The following SYNPR variants were observed in gnomAD, a reference collection of about 807,000 sequenced individuals.
SYNPR encodes the protein synaptoporin.
SYNPR carries 23 observed loss-of-function variants against 32.9 expected under a neutral mutation model. That is an observed-to-expected ratio of 0.70 (90% CI 0.50 to 0.99). The LOEUF is 0.99. Among genes scored for constraint, SYNPR ranks in the 50% least tolerant of loss-of-function variants. The pLI is 0.00. For synonymous variants in SYNPR, 146 were observed against 135.9 expected (o/e 1.07, Z -0.52); for missense variants, 318 against 349.3 (o/e 0.91, Z 0.71).
At chr3:63,347,467 C>T (rs923391805) in intron 2 of SYNPR, among the ~76,000 whole-genome samples, 1 of 152,104 alleles carries the variant, frequency 6.6e-6, no homozygotes, top group African/African-American at 2.4e-5. Flanking sequence ...TAAATATATG[C>T]CAATCTTTGT....
chr3:63,261,640 A>G (rs978067509), intron 2 of SYNPR, among the ~76,000 whole-genome samples: 39 of 147,984 alleles, frequency 2.6e-4, no homozygotes, highest in Non-Finnish European at 5.3e-4. Context: ...TGGGTGCAGC[A>G]CACCAGCATG....
chr3:63,274,014 T>C (rs975214933), upstream of SYNPR, among the ~76,000 whole-genome samples: 1 of 152,216 alleles, frequency 6.6e-6, no homozygotes, highest in African/African-American at 2.4e-5. Flanking sequence ...AGGCATGCTA[T>C]TGGCCTTTGC....
rs959735820 is a variant in SYNPR at position 63,382,566 on chromosome 3, A to G, written c.85-98266A>G. Among the ~76,000 whole-genome samples the G allele has an allele frequency of 7.2e-5, 11 of 152,290 alleles. No homozygotes were observed. The South Asian group carries it at 2.1e-3, about 29-fold the overall frequency. ...TTTTGTTGGAACTTTGTCTGCCCTCATTGGTATTTCCAGATTGCTGGCTTT... is the reference window on the plus strand; with the variant it reads ...TTTTGTTGGAACTTTGTCTGCCCTCGTTGGTATTTCCAGATTGCTGGCTTT... On this transcript the variant is annotated intron_variant, in intron 2 of 5. Coordinates refer to ENST00000478300, the MANE Select transcript of SYNPR (RefSeq NM_001130003.2).
At chr3:63,558,814 CA>C (rs35494704) in intron 4 of SYNPR, among the ~76,000 whole-genome samples, 1 of 149,270 alleles carries the variant, frequency 6.7e-6, no homozygotes, top group Non-Finnish European at 1.5e-5. Flanking sequence ...ATTTTTGTTG[CA>C]AAAAATATAT....
At chr3:63,549,627 G>T (rs1702467111) in intron 3 of SYNPR, among the ~76,000 whole-genome samples, 1 of 152,108 alleles carries the variant, frequency 6.6e-6, no homozygotes, top group Admixed American at 6.5e-5. Context: ...GAAAAATGTT[G>T]GTGGTTGTTA....
chr3:63,339,521 T>A (rs2087336478), intron 2 of SYNPR, among the ~76,000 whole-genome samples: 2 of 152,196 alleles, frequency 1.3e-5, no homozygotes, highest in African/African-American at 4.8e-5. Context: ...ACCTATCTTT[T>A]TCAGATTTCT....
At chr3:63,608,337 T>C (rs536448361) in intron 4 of SYNPR, among the ~76,000 whole-genome samples, 6 of 152,164 alleles carry the variant, frequency 3.9e-5, no homozygotes, top group Admixed American at 1.3e-4. Context: ...CAGACCTAGA[T>C]TTGAATTCTG....
intron 4 of SYNPR, among the ~76,000 whole-genome samples, chr3:63,559,186 G>GC (rs1418022233): frequency 1.3e-5 from 2 of 149,910 alleles, no homozygotes; most frequent in Admixed American, 6.7e-5. Context: ...TCCCACCTCA[G>GC]CCCCCCAAGC....
chr3:63,343,495 GT>G (rs2087395481), intron 2 of SYNPR, among the ~76,000 whole-genome samples: 1 of 152,112 alleles, frequency 6.6e-6, no homozygotes, highest in Non-Finnish European at 1.5e-5. Flanking sequence ...TTGTTTGGAG[GT>G]CCTGCCTCTA....
intron 4 of SYNPR, among the ~76,000 whole-genome samples, chr3:63,557,349 ACT>A (rs1337393597): frequency 1.3e-5 from 2 of 152,224 alleles, no homozygotes; most frequent in East Asian, 3.9e-4. Flanking sequence ...ATTTGCCCAA[ACT>A]CTATCTTCCC....
chr3:63,296,993 G>A (rs892838945), intron 2 of SYNPR, among the ~76,000 whole-genome samples: 2 of 152,242 alleles, frequency 1.3e-5, no homozygotes, highest in South Asian at 4.1e-4. Context: ...AAGCAAGCTA[G>A]GGAATGAGTT....
At chr3:63,398,265 T>TA (rs1427805817) in intron 2 of SYNPR, among the ~76,000 whole-genome samples, 1 of 152,100 alleles carries the variant, frequency 6.6e-6, no homozygotes, top group African/African-American at 2.4e-5. Context: ...AGCACTGCCT[T>TA]AAAAAAAGGT....
At chr3:63,443,177 G>T in intron 2 of SYNPR, 2 of 1,236,496 alleles carry the variant, frequency 1.6e-6, no homozygotes, top group South Asian at 2.2e-5. Flanking sequence ...TCACCAGAGG[G>T]GAGTATCAGG....
chr3:63,533,425 T>C (rs1370040196), intron 3 of SYNPR, among the ~76,000 whole-genome samples: 3 of 152,190 alleles, frequency 2.0e-5, no homozygotes, highest in Non-Finnish European at 2.9e-5. Flanking sequence ...AACGTGCATA[T>C]GGAAAACTCA....
At chr3:63,611,289 A>G (rs989017534) in intron 5 of SYNPR, among the ~76,000 whole-genome samples, 2 of 152,214 alleles carry the variant, frequency 1.3e-5, no homozygotes, top group Admixed American at 6.5e-5. Flanking sequence ...AGTTGCCATT[A>G]GTGGAAAGTT....
At chr3:63,377,616 G>A (rs534001006) in intron 2 of SYNPR, among the ~76,000 whole-genome samples, 2 of 147,870 alleles carry the variant, frequency 1.4e-5, no homozygotes, top group Admixed American at 6.9e-5. Context: ...ATCCAAGTGA[G>A]ATACATCTTA....
At chr3:63,522,219 T>G (rs1264332720) in intron 3 of SYNPR, among the ~76,000 whole-genome samples, 1 of 152,196 alleles carries the variant, frequency 6.6e-6, no homozygotes, top group Admixed American at 6.5e-5. Context: ...AAAAAAGGGC[T>G]AACGTGAAAA....
At position 63,278,466 on chromosome 3, in the gene SYNPR, C is replaced by A; in HGVS notation, c.-68C>A. On this transcript the variant is annotated 5_prime_UTR_variant, in exon 1 of 6. Transcript: ENST00000478300. ...CCGAAGGGGCTTCTGGCCCTGAGGA[C>A]GGTGGTGCCAAGCGAACTTCATTTT... The A allele has an allele frequency of 1.3e-6, 2 of 1,514,678 alleles. No homozygotes were observed. The highest frequency in any genetic ancestry group is 8.9e-7 in the Non-Finnish European group (1 of 1,127,148). 93.8% of individuals were successfully genotyped at this position (1,514,678 alleles called of 1,614,324 possible). A position where few individuals can be genotyped will look rare whatever the true frequency, so the allele number is the denominator to read the frequency against.
chr3:63,343,592 C>T (rs2087398238), intron 2 of SYNPR, among the ~76,000 whole-genome samples: 1 of 152,138 alleles, frequency 6.6e-6, no homozygotes, highest in African/African-American at 2.4e-5. Context: ...GCAGCTACCT[C>T]TTTTTCAGAC....
Sources: allele counts gnomAD v4.1 joint callset (sites outside exome capture counted in the v4.1 genomes callset), GRCh38; gene constraint gnomAD v4.1.1; transcripts MANE v1.5; gene names NCBI Gene and HGNC (gene_info 2026-07-23, HGNC 2026-07-21).